SASH1: variants seen among roughly 807,000 people sequenced by gnomAD.
The protein encoded by SASH1 is SAM and SH3 domain-containing protein 1.
Under a neutral mutation model 125.2 loss-of-function variants are expected in SASH1, and 44 were observed. The observed-to-expected ratio is 0.35, with a 90% CI of 0.28 to 0.45. The LOEUF (loss-of-function observed/expected upper bound fraction) is 0.45, where lower values mean the gene tolerates loss of function less well. Ranked by LOEUF, SASH1 falls within the 20% of genes least tolerant of loss-of-function variation. The probability of loss-of-function intolerance (pLI) is 1.00; values close to 1 mark genes in which losing one functional copy is unlikely to be tolerated. For synonymous variants in SASH1, 639 were observed against 649.1 expected (o/e 0.98, Z 0.24); for missense variants, 1,426 against 1,614.5 (o/e 0.88, Z 2.00).
At chr6:148,415,988 G>C (rs577970197) in intron 2 of SASH1, among the ~76,000 whole-genome samples, 2 of 152,268 alleles carry the variant, frequency 1.3e-5, no homozygotes, top group East Asian at 3.9e-4. Flanking sequence ...GGCGGTAAAG[G>C]AGATCCCACA....
upstream of SASH1, chr6:148,272,277 C>T: frequency 2.2e-6 from 1 of 456,512 alleles, no homozygotes; most frequent in East Asian, 7.0e-5. Context: ...TAGAGCCTTA[C>T]ATCAGTGCTG....
chr6:148,433,778 T>C (rs1438360623), intron 2 of SASH1, among the ~76,000 whole-genome samples: 3 of 152,192 alleles, frequency 2.0e-5, no homozygotes, highest in African/African-American at 7.2e-5. Flanking sequence ...TTTAAGAGTT[T>C]GTAATGTTAA....
chr6:148,513,684 T>C, intron 8 of SASH1: 1 of 985,644 alleles, frequency 1.0e-6, no homozygotes, highest in Non-Finnish European at 1.2e-6. Flanking sequence ...GTCAGCTTTT[T>C]CCCTTGTCTC....
intron 2 of SASH1, among the ~76,000 whole-genome samples, chr6:148,410,034 A>G (rs1190676581): frequency 2.6e-5 from 4 of 151,358 alleles, no homozygotes; most frequent in Non-Finnish European, 5.9e-5. Context: ...TTCTTAAAAT[A>G]GAAGGTGTGA....
At chr6:148,512,413 A>C (rs1332285252) in intron 8 of SASH1, 1 of 948,608 alleles carries the variant, frequency 1.1e-6, no homozygotes, top group East Asian at 1.2e-4. Context: ...TTTGAGCTAC[A>C]TCAAGAGAGC....
At chr6:148,200,075 G>T in the SASH1 span, among the ~76,000 whole-genome samples, 1 of 152,194 alleles carries the variant, frequency 6.6e-6, no homozygotes, top group East Asian at 1.9e-4. Context: ...ATGCCAAGAC[G>T]GAACATACTT....
chr6:148,206,989 GT>G, the SASH1 span, among the ~76,000 whole-genome samples: 1 of 152,142 alleles, frequency 6.6e-6, no homozygotes, highest in Non-Finnish European at 1.5e-5. Flanking sequence ...TCTGTTCAAA[GT>G]TTTTTATTTG....
At chr6:148,298,693 GGAAGGAAGGAAGGAAGGAA>G (rs1387113080) in intron 1 of SASH1, among the ~76,000 whole-genome samples, 13 of 80,756 alleles carry the variant, frequency 1.6e-4, no homozygotes, top group African/African-American at 5.8e-4. Flanking sequence ...AAGGAAGGAA[GGAAGGAAGGAAGGAAGGAA>G]GAAGGAAGGG....
At chr6:148,202,588 AT>A in the SASH1 span, among the ~76,000 whole-genome samples, 1 of 152,236 alleles carries the variant, frequency 6.6e-6, no homozygotes, top group Admixed American at 6.5e-5. Flanking sequence ...TTTAGGATTG[AT>A]TACAAAATGT....
intron 1 of SASH1, among the ~76,000 whole-genome samples, chr6:148,363,016 T>C (rs184598496): frequency 3.3e-5 from 5 of 152,178 alleles, no homozygotes; most frequent in Admixed American, 2.6e-4. Flanking sequence ...AGCATAGAAG[T>C]CTTATTGGTG....
chr6:148,500,396 T>C (rs1779516919), intron 8 of SASH1, among the ~76,000 whole-genome samples: 1 of 152,182 alleles, frequency 6.6e-6, no homozygotes, highest in South Asian at 2.1e-4. Context: ...TCGTAATTGA[T>C]GCCACCTGGT....
chr6:148,398,572 C>T (rs1416761297), intron 2 of SASH1, among the ~76,000 whole-genome samples: 3 of 152,298 alleles, frequency 2.0e-5, no homozygotes, highest in Middle Eastern at 3.4e-3. Context: ...AGACTTATGT[C>T]GTCCCTGAAT....
intron 11 of SASH1, among the ~76,000 whole-genome samples, chr6:148,526,033 G>A (rs1781127154): frequency 6.9e-6 from 1 of 144,734 alleles, no homozygotes; most frequent in Non-Finnish European, 1.5e-5. Flanking sequence ...AGACCCCAAG[G>A]GTGAAGGTGA....
chr6:148,297,614 G>A (rs2128511295), intron 1 of SASH1, among the ~76,000 whole-genome samples: 1 of 152,294 alleles, frequency 6.6e-6, no homozygotes, highest in South Asian at 2.1e-4. Flanking sequence ...GATTGCCTGA[G>A]GTCAGGAGTT....
chr6:148,211,421 A>G, the SASH1 span, among the ~76,000 whole-genome samples: 1 of 152,104 alleles, frequency 6.6e-6, no homozygotes, highest in African/African-American at 2.4e-5. Flanking sequence ...TAATATAAAA[A>G]TTATCCAGGT....
At chr6:148,282,869 C>T (rs1779379415) in intron 1 of SASH1, among the ~76,000 whole-genome samples, 1 of 152,120 alleles carries the variant, frequency 6.6e-6, no homozygotes, top group South Asian at 2.1e-4. Flanking sequence ...AGTCCCCCTC[C>T]CCAAACTCAT....
chr6:148,244,443 T>A, the SASH1 span, among the ~76,000 whole-genome samples: 1 of 152,326 alleles, frequency 6.6e-6, no homozygotes, highest in Non-Finnish European at 1.5e-5. Context: ...TATTGATGGA[T>A]GAACACACCC....
chr6:148,350,185 C>T (rs1004432987), intron 1 of SASH1, among the ~76,000 whole-genome samples: 2 of 152,182 alleles, frequency 1.3e-5, no homozygotes, highest in East Asian at 3.9e-4. Flanking sequence ...CCAGGCACAG[C>T]GCCTCACACC....
Position 148,548,354 on chromosome 6 carries a change from G to A in SASH1, c.3540G>A (p.Ser1180=), listed in dbSNP as rs773873107. ...CRKPVSPGCI[S]SVSDWLISIG... ...AGCCCGTCTCTCCTGGGTGCATTTC[G>A]TCTGTGTCAGATTGGCTCATTTCCA... is the stretch of plus-strand genomic sequence containing the variant. Residue 1180 remains serine (S), a synonymous_variant, in exon 20 of 20, where the codon TCG becomes TCA. Transcript: ENST00000367467. The A allele has an allele frequency of 4.3e-6, 7 of 1,614,062 alleles. No individual in the cohort carries two copies. The highest frequency in any genetic ancestry group is 2.2e-5 in the East Asian group (1 of 44,900).
Sources: allele counts gnomAD v4.1 joint callset (sites outside exome capture counted in the v4.1 genomes callset), GRCh38; gene constraint gnomAD v4.1.1; transcripts MANE v1.5; gene names NCBI Gene and HGNC (gene_info 2026-07-23, HGNC 2026-07-21).